ADCY5: variants seen among roughly 807,000 people sequenced by gnomAD.
The protein encoded by ADCY5 is adenylate cyclase type 5.
Under a neutral mutation model 119.7 loss-of-function variants are expected in ADCY5, and 30 were observed. That is an observed-to-expected ratio of 0.25 (90% CI 0.19 to 0.34). The LOEUF (loss-of-function observed/expected upper bound fraction) is 0.34. Among genes scored for constraint, ADCY5 ranks in the 10% least tolerant of loss-of-function variants. ADCY5 has a pLI of 1.00. For synonymous variants in ADCY5, 753 were observed against 762.2 expected (o/e 0.99, Z 0.20); for missense variants, 1,324 against 1,775.2 (o/e 0.75, Z 4.57).
chr3:123,320,459 C>A (rs1482638639), intron 9 of ADCY5, among the ~76,000 whole-genome samples: 2 of 152,220 alleles, frequency 1.3e-5, no homozygotes, highest in Admixed American at 1.3e-4. Flanking sequence ...GTAAGGTCTG[C>A]ACTTTCCTGA....
chr3:123,395,421 G>A (rs944286483), intron 1 of ADCY5, among the ~76,000 whole-genome samples: 1 of 152,164 alleles, frequency 6.6e-6, no homozygotes, highest in Non-Finnish European at 1.5e-5. Context: ...ATCCTCCTCC[G>A]CCTCACAGGC....
At chr3:123,377,669 T>A (rs1421523295) in intron 1 of ADCY5, among the ~76,000 whole-genome samples, 1 of 151,960 alleles carries the variant, frequency 6.6e-6, no homozygotes, top group Non-Finnish European at 1.5e-5. Flanking sequence ...AAGCATGGAG[T>A]GCTTTTTCTC....
intron 1 of ADCY5, among the ~76,000 whole-genome samples, chr3:123,385,093 A>G (rs1944173407): frequency 6.6e-6 from 1 of 151,992 alleles, no homozygotes; most frequent in Non-Finnish European, 1.5e-5. Flanking sequence ...TACAGCCGGC[A>G]CCCCAGCCCA....
At position 123,324,860 on chromosome 3, in the gene ADCY5, C is replaced by T. The variant is rs559667095; in HGVS notation, c.2088+462G>A. 2.6e-5 allele frequency among the ~76,000 whole-genome samples: 4 copies of T among 152,350 alleles called. 1 individual carries two copies. Among genetic ancestry groups the T allele is most frequent in the South Asian group, 4.1e-4 (2 of 4,830 alleles). On this transcript the variant is annotated intron_variant, in intron 8 of 20. Coordinates refer to ENST00000462833, the MANE Select transcript of ADCY5 (RefSeq NM_183357.3). ...ACCACCTGGCACTTCCCAGAAAGCACTAGGATAGTTTCTGAGCAACTGAAC... is the reference window on the plus strand; with the variant it reads ...ACCACCTGGCACTTCCCAGAAAGCATTAGGATAGTTTCTGAGCAACTGAAC...
At chr3:123,371,477 C>T (rs1204867313) in intron 1 of ADCY5, among the ~76,000 whole-genome samples, 1 of 152,236 alleles carries the variant, frequency 6.6e-6, no homozygotes, top group African/African-American at 2.4e-5. Context: ...ATAAGAACAT[C>T]GGCAATTTGT....
At chr3:123,366,595 G>A (rs1429854143) in intron 1 of ADCY5, among the ~76,000 whole-genome samples, 1 of 152,264 alleles carries the variant, frequency 6.6e-6, no homozygotes, top group Non-Finnish European at 1.5e-5. Context: ...TCTAGAGAAG[G>A]GTATCAGACT....
intron 4 of ADCY5, among the ~76,000 whole-genome samples, chr3:123,332,158 G>T (rs911872003): frequency 3.3e-5 from 5 of 152,224 alleles, no homozygotes; most frequent in Non-Finnish European, 7.3e-5. Context: ...TGGGGATTCA[G>T]ACTCATTCTC....
At chr3:123,342,458 G>A (rs534489149) in intron 3 of ADCY5, among the ~76,000 whole-genome samples, 1 of 152,146 alleles carries the variant, frequency 6.6e-6, no homozygotes, top group African/African-American at 2.4e-5. Flanking sequence ...GGGGAGCGGG[G>A]CTGACTACCT....
intron 3 of ADCY5, among the ~76,000 whole-genome samples, chr3:123,335,773 A>C (rs1941995748): frequency 6.6e-6 from 1 of 152,166 alleles, no homozygotes; most frequent in African/African-American, 2.4e-5. Flanking sequence ...GTGCATCCCA[A>C]GGCTTCAGCC....
At chr3:123,398,330 C>G (rs1319773623) in intron 1 of ADCY5, among the ~76,000 whole-genome samples, 1 of 152,156 alleles carries the variant, frequency 6.6e-6, no homozygotes, top group East Asian at 1.9e-4. Context: ...CCAACTCGAA[C>G]CGGTCACACA....
chr3:123,375,682 C>A (rs903748392), intron 1 of ADCY5, among the ~76,000 whole-genome samples: 6 of 152,256 alleles, frequency 3.9e-5, no homozygotes, highest in Admixed American at 2.0e-4. Flanking sequence ...ATTCTAACAG[C>A]TTATTTCATC....
intron 1 of ADCY5, among the ~76,000 whole-genome samples, chr3:123,410,750 C>T (rs143242507): frequency 4.6e-5 from 7 of 152,230 alleles, no homozygotes; most frequent in African/African-American, 1.7e-4. Context: ...TGAGCTCAAG[C>T]GATCCTCCCA....
At chr3:123,391,865 G>A (rs187636002) in intron 1 of ADCY5, among the ~76,000 whole-genome samples, 185 of 152,218 alleles carry the variant, frequency 1.2e-3, no homozygotes, top group African/African-American at 4.3e-3. Flanking sequence ...TGGGGTGGCC[G>A]GTGGATCTAC....
chr3:123,420,770 G>A (rs1190900026), intron 1 of ADCY5, among the ~76,000 whole-genome samples: 1 of 152,152 alleles, frequency 6.6e-6, no homozygotes, highest in Non-Finnish European at 1.5e-5. Context: ...CCAACTCAGT[G>A]GCATAAACAA....
chr3:123,296,458 C>G (rs539628782), intron 16 of ADCY5, among the ~76,000 whole-genome samples: 1 of 152,192 alleles, frequency 6.6e-6, no homozygotes, highest in African/African-American at 2.4e-5. Context: ...CCTCTCCTGA[C>G]GCCTTACAAC....
intron 1 of ADCY5, among the ~76,000 whole-genome samples, chr3:123,370,623 C>T (rs761274712): frequency 4.5e-4 from 68 of 152,228 alleles, no homozygotes; most frequent in African/African-American, 1.4e-3. Context: ...AATCATCCTA[C>T]CAACCTGGAC....
chr3:123,362,376 T>C (rs899766077), intron 1 of ADCY5, among the ~76,000 whole-genome samples: 3 of 152,326 alleles, frequency 2.0e-5, no homozygotes. Flanking sequence ...TGGTATCTTA[T>C]TGTGGTTTTA....
At chr3:123,302,442 C>T (rs1018811916) in intron 14 of ADCY5, among the ~76,000 whole-genome samples, 5 of 152,304 alleles carry the variant, frequency 3.3e-5, no homozygotes, top group Middle Eastern at 6.8e-3. Flanking sequence ...GCTACTGAAC[C>T]GTGCACTTTG....
intron 1 of ADCY5, among the ~76,000 whole-genome samples, chr3:123,364,507 G>A (rs1242891252): frequency 6.6e-6 from 1 of 152,136 alleles, no homozygotes; most frequent in African/African-American, 2.4e-5. Flanking sequence ...AATATGGATG[G>A]GGCAGAGGAA....
Sources: gnomAD v4.1 joint callset for allele counts (sites outside exome capture counted in the v4.1 genomes callset) on GRCh38, gnomAD v4.1.1 for gene constraint, MANE v1.5 for transcripts, NCBI Gene and HGNC (gene_info 2026-07-23, HGNC 2026-07-21) for gene names.